DDHD1: variants seen among roughly 807,000 people sequenced by gnomAD.
DDHD1 encodes phospholipase DDHD1.
DDHD1 carries 49 observed loss-of-function variants against 96.4 expected under a neutral mutation model. That is an observed-to-expected ratio of 0.51 (90% CI 0.40 to 0.64). The LOEUF (loss-of-function observed/expected upper bound fraction) is 0.64. Among genes scored for constraint, DDHD1 ranks in the 30% least tolerant of loss-of-function variants. The pLI, the probability that DDHD1 is intolerant of heterozygous loss-of-function variation, is 0.00. For missense variants in DDHD1, 1,106 were observed against 1,161.2 expected (o/e 0.95, Z 0.69); for synonymous variants, 442 against 446.5 (o/e 0.99, Z 0.13).
Position 53,061,098 on chromosome 14 carries a change from G to A in DDHD1, c.1842+28C>T, listed in dbSNP as rs191757712. 2.2e-4 allele frequency: 346 copies of A among 1,588,246 alleles called. 2 individuals are homozygous for A. In the East Asian group the frequency reaches 4.5e-3, roughly 21 times the overall value. ...CGTTAAAAAAAATACTGAGATCAAT[G>A]TTGAAGAACACATTGCTCTTTCCTT... On this transcript the variant is annotated intron_variant, in intron 8 of 12. Coordinates refer to ENST00000673822, the MANE Select transcript of DDHD1 (RefSeq NM_001160148.2).
intron 11 of DDHD1, chr14:53,053,589 C>G (rs1882790881): frequency 6.6e-6 from 1 of 151,966 alleles, no homozygotes; most frequent in South Asian, 2.1e-4. Context: ...GTAGCAGACA[C>G]AGTAAGAACA....
chr14:53,113,411 A>C (rs1294159626), intron 1 of DDHD1, among the ~76,000 whole-genome samples: 1 of 139,468 alleles, frequency 7.2e-6, no homozygotes, highest in Non-Finnish European at 1.6e-5. Flanking sequence ...AAAAAAAAAA[A>C]AAGTATGAGA....
In DDHD1 at chr14:53,063,053, T is replaced by G; in HGVS notation, c.1656A>C (p.Pro552=). ...ITYDIMTGWN[P]VRLYEQLLQK... is the part of the protein sequence containing the mutation. ...GCAGCAACTGTTCATACAGCCGAAC[T>G]GGATTCCAGCCAGTCATTATGTCAT... is the stretch of plus-strand genomic sequence containing the variant. The change falls in exon 7 of 13, where the codon CCA becomes CCC. Residue 552 remains proline, a synonymous_variant. Coordinates refer to ENST00000673822, the MANE Select transcript of DDHD1 (RefSeq NM_001160148.2). 6.2e-7 allele frequency: 1 copy of G among 1,612,776 alleles called. No homozygotes were observed. Among genetic ancestry groups the G allele is most frequent in the South Asian group, 1.1e-5 (1 of 91,010 alleles).
intron 1 of DDHD1, among the ~76,000 whole-genome samples, chr14:53,135,059 T>C (rs1000043073): frequency 1.3e-5 from 2 of 152,138 alleles, no homozygotes; most frequent in Non-Finnish European, 2.9e-5. Flanking sequence ...CCAAAAATTT[T>C]TGCCACCCCA....
intron 4 of DDHD1, among the ~76,000 whole-genome samples, chr14:53,085,297 C>CT (rs1885850996): frequency 1.3e-5 from 2 of 152,184 alleles, no homozygotes; most frequent in Non-Finnish European, 2.9e-5. Context: ...GGTTTCAACT[C>CT]TGAGAATGGA....
intron 6 of DDHD1, among the ~76,000 whole-genome samples, chr14:53,071,631 TA>T (rs1884516295): frequency 6.6e-6 from 1 of 152,128 alleles, no homozygotes; most frequent in Non-Finnish European, 1.5e-5. Context: ...GGATTCCTGA[TA>T]AATAAATTTT....
At chr14:53,074,246 A>T (rs2358083) in intron 4 of DDHD1, among the ~76,000 whole-genome samples, 1 of 151,828 alleles carries the variant, frequency 6.6e-6, no homozygotes, top group Non-Finnish European at 1.5e-5. Context: ...AATTTTATTT[A>T]AAAATATTAA....
At chr14:53,107,956 C>T (rs756460520) in intron 1 of DDHD1, among the ~76,000 whole-genome samples, 71 of 152,256 alleles carry the variant, frequency 4.7e-4, no homozygotes, top group South Asian at 1.2e-3. Context: ...GAGAGCACAG[C>T]GGGAGGGACA....
chr14:53,091,530 GT>G (rs769384342), intron 4 of DDHD1, among the ~76,000 whole-genome samples: 1 of 152,258 alleles, frequency 6.6e-6, no homozygotes, highest in East Asian at 1.9e-4. Flanking sequence ...TTAACTTAAT[GT>G]ATTAGATTAA....
At chr14:53,134,184 C>T (rs770336329) in intron 1 of DDHD1, among the ~76,000 whole-genome samples, 3 of 152,182 alleles carry the variant, frequency 2.0e-5, no homozygotes, top group Admixed American at 6.5e-5. Flanking sequence ...TGTCATCCCT[C>T]CTATCTTCTG....
intron 1 of DDHD1, chr14:53,149,735 T>A (rs1891221433): frequency 6.6e-6 from 1 of 152,210 alleles, no homozygotes; most frequent in African/African-American, 2.4e-5. Flanking sequence ...ATTGGCCTAA[T>A]GGCTATTTGC....
At chr14:53,152,133 C>CA in intron 1 of DDHD1, 128 bp downstream of exon 1, 1 of 1,000,530 alleles carries the variant, frequency 1.0e-6, no homozygotes, top group Admixed American at 3.0e-5. Context: ...CAATCTCCAT[C>CA]CTGCCCCAGC....
At position 53,054,440 on chromosome 14, in the gene DDHD1, G is replaced by A. The variant is rs1367066133; in HGVS notation, c.2435C>T (p.Ala812Val). 2 of 1,613,164 alleles carry A rather than the reference G, an allele frequency of 1.2e-6. No homozygotes were observed. The highest frequency in any genetic ancestry group is 1.7e-5 in the Admixed American group (1 of 59,980). Residue 812 changes from alanine to valine, a missense_variant and splice_region_variant, in exon 11 of 13, where the codon GCA becomes GTA. By Grantham distance (64) the Ala-to-Val change is moderately conservative. Coordinates refer to ENST00000673822, the MANE Select transcript of DDHD1 (RefSeq NM_001160148.2). ...PHSSSGFLDS[A>V]YFRLQESFFN... is the part of the protein sequence containing the mutation. ...AAGGAAATAATGTATGAACTAACAT[G>A]CAGAATCGAGGAAGCCAGAACTGCT...
In DDHD1 at chr14:53,038,018, C is replaced by T. The variant is rs1448053292; in HGVS notation, c.*8750G>A. ...CAACATCCCTCATGATAAAACCCCTCAACAGACTAGGTATCAAAGGAACAT... is the reference window on the plus strand; with the variant it reads ...CAACATCCCTCATGATAAAACCCCTTAACAGACTAGGTATCAAAGGAACAT... On this transcript the variant is annotated 3_prime_UTR_variant, in exon 13 of 13. Coordinates refer to ENST00000673822, the MANE Select transcript of DDHD1 (RefSeq NM_001160148.2). 2.6e-5 allele frequency: 4 copies of T among 151,998 alleles called. No homozygotes were observed. The highest frequency in any genetic ancestry group is 4.4e-5 in the Non-Finnish European group (3 of 67,976). The allele number at this position is 151,998 out of a possible 1,614,324, so 9.4% of individuals were successfully genotyped here.
At chr14:53,065,214 G>T (rs1460551055) in intron 6 of DDHD1, among the ~76,000 whole-genome samples, 1 of 152,174 alleles carries the variant, frequency 6.6e-6, no homozygotes. Flanking sequence ...GAAAAACCCG[G>T]CAGTTTCAAG....
chr14:53,050,963 T>C (rs941840337), intron 12 of DDHD1, among the ~76,000 whole-genome samples: 2 of 151,724 alleles, frequency 1.3e-5, no homozygotes, highest in African/African-American at 4.8e-5. Context: ...ACAGGCTGGC[T>C]TGGGCAGAGA....
In DDHD1 at chr14:53,045,478, C is replaced by T. The variant is rs1281803444; in HGVS notation, c.*1290G>A. ...GGCTCAAGAGATCCTCCCATCTTGG[C>T]CTCCCGAAGTGTTGGGATTACAGGC... On this transcript the variant is annotated 3_prime_UTR_variant, in exon 13 of 13. Transcript: ENST00000673822. The T allele has an allele frequency of 6.6e-6, 1 of 152,272 alleles. No homozygotes were observed. Among genetic ancestry groups the T allele is most frequent in the African/African-American group, 2.4e-5 (1 of 41,438 alleles). The allele number at this position is 152,272 out of a possible 1,614,324, so 9.4% of individuals were successfully genotyped here.
intron 7 of DDHD1, among the ~76,000 whole-genome samples, chr14:53,062,304 A>G (rs1459081812): frequency 6.6e-6 from 1 of 152,062 alleles, no homozygotes; most frequent in East Asian, 1.9e-4. Context: ...ATTTGTTTTA[A>G]TATGCTAGTA....
Position 53,067,651 on chromosome 14 carries a change from T to G in DDHD1, c.1504-4446A>C, listed in dbSNP as rs148597213. 5.9e-5 allele frequency among the ~76,000 whole-genome samples: 9 copies of G among 152,248 alleles called. No individual in the cohort carries two copies. The East Asian group carries it at 1.7e-3, about 29-fold the overall frequency. The stretch of plus-strand genomic sequence containing the variant: ...TTTGTATTTTTAGTAGAGACAGAGT[T>G]TCTCCACGTTGGTTAGGCTGCTCTC... On this transcript the variant is annotated intron_variant, in intron 6 of 12. Transcript: ENST00000673822.
Sources: allele counts gnomAD v4.1 joint callset (sites outside exome capture counted in the v4.1 genomes callset), GRCh38; gene constraint gnomAD v4.1.1; transcripts MANE v1.5; gene names NCBI Gene and HGNC (gene_info 2026-07-23, HGNC 2026-07-21).